Variants in CHCHD3 observed in about 807,000 individuals in gnomAD.
CHCHD3 encodes coiled-coil-helix-coiled-coil-helix domain containing 3.
In CHCHD3, 20 loss-of-function variants were observed where a neutral mutation model predicts 38.2. That is an observed-to-expected ratio of 0.52 (90% CI 0.37 to 0.76). The LOEUF is 0.76. CHCHD3 is among the 30% of genes least tolerant of loss of function. The probability of loss-of-function intolerance (pLI) is 0.00; values close to 1 mark genes in which losing one functional copy is unlikely to be tolerated. For synonymous variants in CHCHD3, 82 were observed against 100.0 expected (o/e 0.82, Z 1.07); for missense variants, 245 against 279.2 (o/e 0.88, Z 0.87).
At chr7:132,806,549 T>G (rs1166344714) in intron 6 of CHCHD3, among the ~76,000 whole-genome samples, 1 of 152,122 alleles carries the variant, frequency 6.6e-6, no homozygotes, top group Non-Finnish European at 1.5e-5. Flanking sequence ...GGAATTTCAC[T>G]AGGGTCTTCA....
At chr7:132,908,279 CA>C (rs1161190190) in intron 4 of CHCHD3, among the ~76,000 whole-genome samples, 1 of 152,112 alleles carries the variant, frequency 6.6e-6, no homozygotes, top group African/African-American at 2.4e-5. Context: ...TCCAACTTGA[CA>C]AAAGTACCAA....
At chr7:132,997,265 A>G (rs1812444641) in intron 3 of CHCHD3, among the ~76,000 whole-genome samples, 1 of 152,196 alleles carries the variant, frequency 6.6e-6, no homozygotes, top group African/African-American at 2.4e-5. Context: ...TTTGATCCAC[A>G]TATCACAGGA....
At chr7:133,056,446 A>G (rs903282015) in intron 2 of CHCHD3, among the ~76,000 whole-genome samples, 1 of 152,080 alleles carries the variant, frequency 6.6e-6, no homozygotes, top group Non-Finnish European at 1.5e-5. Flanking sequence ...TTCAATATTC[A>G]GCTCAAACAT....
intron 2 of CHCHD3, among the ~76,000 whole-genome samples, chr7:133,029,620 C>T (rs1813445886): frequency 6.6e-6 from 1 of 152,170 alleles, no homozygotes; most frequent in African/African-American, 2.4e-5. Flanking sequence ...GCTGTTTATT[C>T]CAGTGTGATC....
At chr7:133,051,614 T>G (rs1328779265) in intron 2 of CHCHD3, among the ~76,000 whole-genome samples, 1 of 152,156 alleles carries the variant, frequency 6.6e-6, no homozygotes, top group Non-Finnish European at 1.5e-5. Flanking sequence ...TTTTTAAATT[T>G]TATATATTAG....
intron 4 of CHCHD3, among the ~76,000 whole-genome samples, chr7:132,901,364 G>C (rs1323094289): frequency 1.3e-5 from 2 of 152,202 alleles, no homozygotes; most frequent in African/African-American, 2.4e-5. Flanking sequence ...AAGCAACAGC[G>C]CACACAAGAT....
intron 5 of CHCHD3, chr7:132,844,968 G>A (rs1283966959): frequency 6.6e-6 from 1 of 152,218 alleles, no homozygotes; most frequent in Non-Finnish European, 1.5e-5. Flanking sequence ...ACTGTGTGGG[G>A]AGACTGAATG....
intron 6 of CHCHD3, 36 bp downstream of exon 6, chr7:132,838,363 G>A: frequency 1.5e-6 from 2 of 1,364,652 alleles, no homozygotes; most frequent in Non-Finnish European, 2.1e-6. Flanking sequence ...ATCTTGTTAA[G>A]AATAGTAAAT....
At chr7:132,930,619 C>A (rs1304076292) in intron 4 of CHCHD3, among the ~76,000 whole-genome samples, 1 of 152,164 alleles carries the variant, frequency 6.6e-6, no homozygotes, top group African/African-American at 2.4e-5. Context: ...TTCTTCCCCG[C>A]TATCCTTTTG....
At chr7:132,993,129 T>A (rs993193208) in intron 3 of CHCHD3, among the ~76,000 whole-genome samples, 1 of 152,170 alleles carries the variant, frequency 6.6e-6, no homozygotes, top group Non-Finnish European at 1.5e-5. Flanking sequence ...TTTCTCTTTA[T>A]CCTTAGAGTT....
At chr7:133,077,902 C>CA (rs11387875) in intron 1 of CHCHD3, among the ~76,000 whole-genome samples, 152,334 of 152,334 alleles carry the variant, frequency 1, 76,167 homozygotes, top group Non-Finnish European at 1. Flanking sequence ...CAAGACCCTA[C>CA]AATACCATGA....
At chr7:132,839,173 CAAGAGCAAAATTCCATCTCAAA>C (rs2117096765) in intron 5 of CHCHD3, among the ~76,000 whole-genome samples, 1 of 148,232 alleles carries the variant, frequency 6.7e-6, no homozygotes, top group African/African-American at 2.5e-5. Flanking sequence ...GTCTGGGCAA[CAAGAGCAAAATTCCATCTCAAA>C]AAAAAAAAAA....
chr7:132,845,547 T>C (rs1808056891), intron 5 of CHCHD3, among the ~76,000 whole-genome samples: 1 of 152,116 alleles, frequency 6.6e-6, no homozygotes, highest in Non-Finnish European at 1.5e-5. Flanking sequence ...CCAGCCCATA[T>C]AAAAAAATCA....
chr7:133,081,711 T>C (rs983798078), intron 1 of CHCHD3, 146 bp downstream of exon 1: 5 of 752,962 alleles, frequency 6.6e-6, no homozygotes, highest in Admixed American at 2.5e-5. Flanking sequence ...CTTGAAACTC[T>C]AGGCTTCTTC....
intron 2 of CHCHD3, among the ~76,000 whole-genome samples, chr7:133,045,213 G>A (rs897172245): frequency 6.6e-6 from 1 of 152,162 alleles, no homozygotes; most frequent in Admixed American, 6.5e-5. Flanking sequence ...CTAGATTTTA[G>A]GTAAGGATGG....
chr7:132,889,037 C>A (rs1306125297), intron 4 of CHCHD3, among the ~76,000 whole-genome samples: 1 of 151,988 alleles, frequency 6.6e-6, no homozygotes, highest in Admixed American at 6.6e-5. Flanking sequence ...CTTCTGTGAT[C>A]AGAAAAAATC....
intron 4 of CHCHD3, among the ~76,000 whole-genome samples, chr7:132,893,922 G>A (rs1025259512): frequency 2.0e-5 from 3 of 152,212 alleles, no homozygotes; most frequent in African/African-American, 4.8e-5. Flanking sequence ...ACCCAGTCTC[G>A]GGTATTTCTT....
chr7:133,026,766 T>A (rs951516633), intron 2 of CHCHD3, among the ~76,000 whole-genome samples: 1 of 152,086 alleles, frequency 6.6e-6, no homozygotes, highest in Admixed American at 6.5e-5. Flanking sequence ...GGGAAAGAAG[T>A]CAGACATGAA....
intron 6 of CHCHD3, among the ~76,000 whole-genome samples, chr7:132,824,931 T>C (rs1807471572): frequency 6.6e-6 from 1 of 152,256 alleles, no homozygotes; most frequent in Non-Finnish European, 1.5e-5. Flanking sequence ...TGTACCTTCA[T>C]GTTAGCATTT....
Sources: gnomAD v4.1 joint callset for allele counts (sites outside exome capture counted in the v4.1 genomes callset) on GRCh38, gnomAD v4.1.1 for gene constraint, MANE v1.5 for transcripts, NCBI Gene and HGNC (gene_info 2026-07-23, HGNC 2026-07-21) for gene names.